The following ANAPC2 variants were observed in gnomAD, a reference collection of about 807,000 sequenced individuals.
ANAPC2 encodes anaphase promoting complex subunit 2.
A neutral mutation model predicts 84.3 loss-of-function variants in ANAPC2; 29 were observed. That is an observed-to-expected ratio of 0.34 (90% CI 0.26 to 0.47). The LOEUF (loss-of-function observed/expected upper bound fraction) is 0.47, where lower values mean the gene tolerates loss of function less well. Ranked by LOEUF, ANAPC2 falls within the 20% of genes least tolerant of loss-of-function variation. The pLI is 1.00. For missense variants in ANAPC2, 857 were observed against 1,131.7 expected (o/e 0.76, Z 3.48); for synonymous variants, 571 against 479.4 (o/e 1.19, Z -2.50).
At chr9:137,179,768 G>A (rs932274338) in intron 10 of ANAPC2, among the ~76,000 whole-genome samples, 11 of 152,226 alleles carry the variant, frequency 7.2e-5, no homozygotes, top group African/African-American at 1.2e-4. Flanking sequence ...CTGGGCAGAG[G>A]GCAGCCCTGG....
chr9:137,187,350 G>A (rs1834497160), intron 2 of ANAPC2, 131 bp downstream of exon 2: 2 of 1,208,148 alleles, frequency 1.7e-6, no homozygotes, highest in African/African-American at 1.5e-5. Flanking sequence ...AGGAATCCCT[G>A]GGACTCTCTC....
chr9:137,178,739 G>A (rs1238323378), intron 10 of ANAPC2, among the ~76,000 whole-genome samples: 1 of 151,460 alleles, frequency 6.6e-6, no homozygotes, highest in Non-Finnish European at 1.5e-5. Flanking sequence ...AAGCTGCAAG[G>A]GACACCTGGA....
In ANAPC2 at chr9:137,187,816, C is replaced by T; in HGVS notation, c.405G>A (p.Trp135Ter). The T allele has an allele frequency of 6.2e-7, 1 of 1,613,624 alleles. No homozygotes were observed. The highest frequency in any genetic ancestry group is 8.5e-7 in the Non-Finnish European group (1 of 1,180,042). Residue 135 changes from tryptophan (W) to a stop codon, truncating the protein, a stop_gained, in exon 2 of 13, where the codon TGG becomes TGA. Coordinates refer to ENST00000323927, the MANE Select transcript of ANAPC2 (RefSeq NM_013366.4). LOFTEE classifies it high-confidence loss of function. ...YLRSLELLEK[W>*]TRLGLLMGTG... is the part of the protein sequence containing the mutation. ...TGCCCATCAGCAAGCCCAGGCGAGTCCATTTCTCCAGCAGCTCTAGGCTAC... is the reference window on the plus strand; with the variant it reads ...TGCCCATCAGCAAGCCCAGGCGAGTTCATTTCTCCAGCAGCTCTAGGCTAC...
intron 2 of ANAPC2, chr9:137,187,225 A>G: frequency 2.0e-6 from 1 of 508,292 alleles, no homozygotes. Context: ...AGTTGCTAAG[A>G]AATTTGCTGC....
Position 137,183,795 on chromosome 9 carries a change from C to G in ANAPC2, c.1049-4G>C. The G allele has an allele frequency of 6.2e-7, 1 of 1,612,878 alleles. No homozygotes were observed. Among genetic ancestry groups the G allele is most frequent in the Non-Finnish European group, 8.5e-7 (1 of 1,179,642 alleles). ...GCTGGCCGGGAGTCTGGGAAGTCTA[C>G]AAGAAGAAGAACATCCCTCAGGGAC... is the stretch of plus-strand genomic sequence containing the variant. On this transcript the variant is annotated splice_polypyrimidine_tract_variant and splice_region_variant and intron_variant, in intron 4 of 12. Coordinates refer to ENST00000323927, the MANE Select transcript of ANAPC2 (RefSeq NM_013366.4).
Position 137,187,618 on chromosome 9 carries a change from C to A in ANAPC2, c.603G>T (p.Gly201=). The change falls in exon 2 of 13, where the codon GGG becomes GGT. Residue 201 remains glycine (G), a synonymous_variant. Coordinates refer to ENST00000323927, the MANE Select transcript of ANAPC2 (RefSeq NM_013366.4). ...GACGGGCATACCGGCTGTCCAGCTCCCCTTCCAGTTCCGGGTCTGTGCCCC... is the reference window on the plus strand; with the variant it reads ...GACGGGCATACCGGCTGTCCAGCTCACCTTCCAGTTCCGGGTCTGTGCCCC... ...GEGGTDPELE[G]ELDSRYARRR... The A allele has an allele frequency of 1.9e-6, 3 of 1,614,082 alleles. No homozygotes were observed. The highest frequency in any genetic ancestry group is 2.5e-6 in the Non-Finnish European group (3 of 1,180,040).
At chr9:137,181,101 G>C (rs1834332236) in intron 7 of ANAPC2, among the ~76,000 whole-genome samples, 172 bp from the exon 8 acceptor site, 1 of 152,234 alleles carries the variant, frequency 6.6e-6, no homozygotes, top group Admixed American at 6.5e-5. Context: ...AGGTCCTGGA[G>C]CAACAGCTTC....
At chr9:137,185,537 G>C (rs1588764644) in intron 3 of ANAPC2, among the ~76,000 whole-genome samples, 1 of 152,236 alleles carries the variant, frequency 6.6e-6, no homozygotes, top group Non-Finnish European at 1.5e-5. Flanking sequence ...CCAGTGGCAA[G>C]ACCGCACGGA....
intron 6 of ANAPC2, among the ~76,000 whole-genome samples, chr9:137,182,303 G>A (rs1834360958): frequency 6.6e-6 from 1 of 152,226 alleles, no homozygotes; most frequent in South Asian, 2.1e-4. Flanking sequence ...ACGAGGTCAG[G>A]AGATCAAGAC....
intron 10 of ANAPC2, among the ~76,000 whole-genome samples, chr9:137,179,855 G>C (rs981452005): frequency 6.6e-6 from 1 of 152,272 alleles, no homozygotes; most frequent in East Asian, 1.9e-4. Flanking sequence ...GATAGCAAAA[G>C]AGGAGGAAAC....
rs1283493495 is a variant in ANAPC2, at chr9:137,183,211, A to G, written c.1200T>C (p.Tyr400=). ...GVNTCDIITL[Y]ISAIKALRVL... The stretch of plus-strand genomic sequence containing the variant: ...CGCGCAGCGCCTTGATGGCAGAGAT[A>G]TAGAGGGTGATGATGTCACACGTGT... The change falls in exon 6 of 13, where the codon TAT becomes TAC. Residue 400 remains tyrosine, a synonymous_variant. Coordinates refer to ENST00000323927, the MANE Select transcript of ANAPC2 (RefSeq NM_013366.4). The G allele has an allele frequency of 6.2e-7, 1 of 1,613,204 alleles. No individual in the cohort carries two copies.
intron 10 of ANAPC2, among the ~76,000 whole-genome samples, chr9:137,178,138 T>G (rs1298815164): frequency 6.6e-6 from 1 of 152,166 alleles, no homozygotes; most frequent in Non-Finnish European, 1.5e-5. Flanking sequence ...AAACCCCTCT[T>G]TATGGACAGA....
Position 137,181,407 on chromosome 9 carries a change from G to A in ANAPC2, c.1468+274C>T, listed in dbSNP as rs529078985. ...TCTTCACTCCTCTGCCAGGTGCAGT[G>A]GCGGGGCAGGGACACCCCACAGCTC... On this transcript the variant is annotated intron_variant, in intron 7 of 12. Coordinates refer to ENST00000323927, the MANE Select transcript of ANAPC2 (RefSeq NM_013366.4). 6.6e-5 allele frequency among the ~76,000 whole-genome samples: 10 copies of A among 152,334 alleles called. 1 individual carries two copies. The highest frequency in any genetic ancestry group is 1.3e-4 in the Admixed American group (2 of 15,308).
chr9:137,186,239 C>A lies in ANAPC2; in HGVS notation c.858G>T (p.Leu286=), dbSNP rs1329543558. 1 of 1,612,676 alleles carries A rather than the reference C, an allele frequency of 6.2e-7. No individual in the cohort carries two copies. Among genetic ancestry groups the A allele is most frequent in the African/African-American group, 1.3e-5 (1 of 75,046 alleles). ...RCRGEYERSF[L]REFHKWIERV... Reference sequence around the variant, plus strand: ...GGGTCCTCACCTTGTGGAACTCACGCAGGAAGGAGCGCTCGTACTCGCCCC... The same window carrying A: ...GGGTCCTCACCTTGTGGAACTCACGAAGGAAGGAGCGCTCGTACTCGCCCC... Residue 286 remains leucine, a synonymous_variant, in exon 3 of 13, where the codon CTG becomes CTT. Coordinates refer to ENST00000323927, the MANE Select transcript of ANAPC2 (RefSeq NM_013366.4).
At position 137,183,336 on chromosome 9, in the gene ANAPC2, G is replaced by T; in HGVS notation, c.1169-94C>A. 3 of 1,083,984 alleles carry T rather than the reference G, an allele frequency of 2.8e-6. No individual in the cohort carries two copies. The South Asian group carries it at 4.1e-5, about 15-fold the overall frequency. The allele number at this position is 1,083,984 out of a possible 1,614,324, so 67.1% of individuals were successfully genotyped here. A position where few individuals can be genotyped will look rare whatever the true frequency, so the allele number is the denominator to read the frequency against. On this transcript the variant is annotated intron_variant, in intron 5 of 12. Transcript: ENST00000323927. ...AGTAGACAGCTGGCCATGCCGGTAG[G>T]TGGTCTACAGGTCCCCACTGCAGCC...
intron 2 of ANAPC2, chr9:137,187,010 G>A (rs989630816): frequency 4.5e-5 from 8 of 177,932 alleles, no homozygotes; most frequent in African/African-American, 1.4e-4. Context: ...ACTACAACAG[G>A]ACCTGTCTCT....
Position 137,188,031 on chromosome 9 carries a change from C to A in ANAPC2, c.190G>T (p.Gly64Cys). Residue 64 changes from glycine to cysteine, a missense_variant, in exon 2 of 13, where the codon GGC (glycine) becomes TGC (cysteine). By Grantham distance (159) the Gly-to-Cys change is radical. Around this residue, in one of 3 missense-constraint regions of ANAPC2, gnomAD observed 428 missense variants for 513.8 expected, o/e 0.83. Coordinates refer to ENST00000323927, the MANE Select transcript of ANAPC2 (RefSeq NM_013366.4). ...ELRAAVEVLR[G>C]HGLHSVLEEW... is the part of the protein sequence containing the mutation. ...TCCAGGACCGAGTGTAGCCCGTGGC[C>A]CCTCAGAACCTCCACCGCCGCCCGG... The A allele has an allele frequency of 6.2e-7, 1 of 1,613,768 alleles. No individual in the cohort carries two copies. Among genetic ancestry groups the A allele is most frequent in the Non-Finnish European group, 8.5e-7 (1 of 1,180,022 alleles).
rs780878165 is a variant in ANAPC2 at position 137,188,120 on chromosome 9, C to G, written c.118-17G>C. The G allele has an allele frequency of 3.7e-6, 6 of 1,604,502 alleles. 1 individual carries two copies. The South Asian group carries it at 5.5e-5, about 15-fold the overall frequency. On this transcript the variant is annotated splice_polypyrimidine_tract_variant and intron_variant, in intron 1 of 12. Coordinates refer to ENST00000323927, the MANE Select transcript of ANAPC2 (RefSeq NM_013366.4). Reference sequence around the variant, plus strand: ...GGAAGACACCTGGGGTGCAGAAAACCGTGAGGCGAGGGGAACACAACATAG... The same window carrying G: ...GGAAGACACCTGGGGTGCAGAAAACGGTGAGGCGAGGGGAACACAACATAG...
Position 137,174,785 on chromosome 9 carries a change from A to T in ANAPC2, c.*157T>A. The T allele has an allele frequency of 1.6e-6, 2 of 1,220,294 alleles. No homozygotes were observed. The highest frequency in any genetic ancestry group is 2.2e-6 in the Non-Finnish European group (2 of 911,008). 75.6% of individuals were successfully genotyped at this position (1,220,294 alleles called of 1,614,324 possible). ...CACAAAGCCACCAGGACAGAAAAGGATGATCTGACTTGCTTTAATCTGCAC... is the reference window on the plus strand; with the variant it reads ...CACAAAGCCACCAGGACAGAAAAGGTTGATCTGACTTGCTTTAATCTGCAC... On this transcript the variant is annotated 3_prime_UTR_variant, in exon 13 of 13. Coordinates refer to ENST00000323927, the MANE Select transcript of ANAPC2 (RefSeq NM_013366.4). The surrounding 1 kb of genome is among the most constrained non-coding windows in gnomAD (Gnocchi z 6.1).
Sources: allele counts gnomAD v4.1 joint callset (sites outside exome capture counted in the v4.1 genomes callset), GRCh38; gene constraint gnomAD v4.1.1; regional missense constraint gnomAD v4.1.1; non-coding constraint Gnocchi (gnomAD v3.1); transcripts MANE v1.5; gene names NCBI Gene and HGNC (gene_info 2026-07-23, HGNC 2026-07-21).